Variants in KCNH5 observed in about 807,000 individuals in gnomAD.
The protein encoded by KCNH5 is voltage-gated delayed rectifier potassium channel KCNH5.
A neutral mutation model predicts 96.1 loss-of-function variants in KCNH5; 46 were observed. The ratio of observed to expected loss-of-function variants is 0.48; its 90% CI spans 0.38 to 0.61. The LOEUF (loss-of-function observed/expected upper bound fraction) is 0.61. Ranked by LOEUF, KCNH5 falls within the 20% of genes least tolerant of loss-of-function variation. KCNH5 has a pLI of 0.00. For missense variants in KCNH5, 907 were observed against 1,225.8 expected (o/e 0.74, Z 3.88); for synonymous variants, 439 against 449.8 (o/e 0.98, Z 0.30).
chr14:63,018,791 T>C (rs1232741701), intron 1 of KCNH5, among the ~76,000 whole-genome samples: 3 of 152,056 alleles, frequency 2.0e-5, no homozygotes, highest in African/African-American at 7.2e-5. Context: ...ATCTCTACAA[T>C]GTATTGATAT....
intron 8 of KCNH5, among the ~76,000 whole-genome samples, chr14:62,818,751 A>G (rs907531481): frequency 3.9e-5 from 6 of 152,186 alleles, no homozygotes; most frequent in African/African-American, 1.4e-4. Context: ...ACAGCCAAAA[A>G]TTAGAAGCAA....
intron 1 of KCNH5, among the ~76,000 whole-genome samples, chr14:63,038,342 T>C (rs1034653775): frequency 6.6e-6 from 1 of 152,174 alleles, no homozygotes; most frequent in African/African-American, 2.4e-5. Context: ...GGGAGCTTAG[T>C]TCATATACCA....
intron 9 of KCNH5, among the ~76,000 whole-genome samples, chr14:62,797,806 C>G (rs533425209): frequency 6.6e-6 from 1 of 151,856 alleles, no homozygotes. Flanking sequence ...ACCTCAGCCT[C>G]CTGGGTTCAA....
chr14:62,981,944 G>T (rs1445974827), intron 5 of KCNH5, among the ~76,000 whole-genome samples: 1 of 152,138 alleles, frequency 6.6e-6, no homozygotes, highest in African/African-American at 2.4e-5. Context: ...TGAACCTTGA[G>T]TTACACTAAT....
intron 8 of KCNH5, among the ~76,000 whole-genome samples, chr14:62,817,827 T>TCTAGGAATATATTATATATATC (rs1566670482): frequency 6.9e-6 from 1 of 144,246 alleles, no homozygotes; most frequent in Non-Finnish European, 1.5e-5. Context: ...TTATATATAT[T>TCTAGGAATATATTATATATATC]ATATATATAT....
rs190042113 is a variant in KCNH5, at chr14:63,018,151, A to G, written c.74-1197T>C. Among the ~76,000 whole-genome samples, 62 of 152,076 alleles carry G rather than the reference A, an allele frequency of 4.1e-4. 3 individuals are homozygous for G. The East Asian group carries it at 9.5e-3, about 23-fold the overall frequency. On this transcript the variant is annotated intron_variant, in intron 1 of 10. Coordinates refer to ENST00000322893, the MANE Select transcript of KCNH5 (RefSeq NM_139318.5). ...CAACGGAAAGTAGGCACAAACTGGA[A>G]AAGATAAACCCTTGAAAAAGAGAGG...
chr14:62,912,577 T>C (rs1889191061), intron 7 of KCNH5, among the ~76,000 whole-genome samples: 3 of 152,096 alleles, frequency 2.0e-5, no homozygotes, highest in African/African-American at 7.2e-5. Context: ...CAGCTATTTT[T>C]TGTATTTTTA....
intron 1 of KCNH5, among the ~76,000 whole-genome samples, chr14:63,027,083 C>T (rs529078107): frequency 3.9e-4 from 59 of 151,832 alleles, no homozygotes; most frequent in Admixed American, 7.9e-4. Flanking sequence ...TTATTTTAAG[C>T]GAAATAAGTC....
intron 7 of KCNH5, among the ~76,000 whole-genome samples, chr14:62,948,778 G>A (rs1346716871): frequency 6.8e-6 from 1 of 147,940 alleles, no homozygotes; most frequent in African/African-American, 2.5e-5. Context: ...CTGGCAAACC[G>A]AATCCAGCAG....
intron 7 of KCNH5, among the ~76,000 whole-genome samples, chr14:62,949,617 T>C (rs1889960529): frequency 6.6e-6 from 1 of 152,156 alleles, no homozygotes; most frequent in Non-Finnish European, 1.5e-5. Flanking sequence ...ATCCTTTCAT[T>C]CTCTCAAACA....
intron 8 of KCNH5, among the ~76,000 whole-genome samples, chr14:62,826,382 TTGTGTGTGTGTGTGTGCGTGCGTGCA>T (rs1887223752): frequency 7.1e-6 from 1 of 141,654 alleles, no homozygotes; most frequent in South Asian, 2.3e-4. Flanking sequence ...TGTTGAGATT[TTGTGTGTGTGTGTGTGCGTGCGTGCA>T]TGTGTGTGTG....
At chr14:62,766,541 T>C (rs141875207) in intron 10 of KCNH5, among the ~76,000 whole-genome samples, 72 of 152,246 alleles carry the variant, frequency 4.7e-4, no homozygotes, top group African/African-American at 1.7e-3. Context: ...ATGGTTGGAA[T>C]TGGAGATCAT....
intron 3 of KCNH5, among the ~76,000 whole-genome samples, chr14:63,004,547 A>G (rs1891090397): frequency 6.6e-6 from 1 of 152,216 alleles, no homozygotes; most frequent in Non-Finnish European, 1.5e-5. Context: ...GGAAATGTAA[A>G]ATTCAAGTAA....
chr14:63,029,965 C>A (rs953549106), intron 1 of KCNH5, among the ~76,000 whole-genome samples: 1 of 152,082 alleles, frequency 6.6e-6, no homozygotes, highest in Admixed American at 6.6e-5. Context: ...AATCTGATTA[C>A]AGAGGAATAA....
intron 8 of KCNH5, among the ~76,000 whole-genome samples, chr14:62,844,892 T>G (rs1173587782): frequency 6.6e-6 from 1 of 152,208 alleles, no homozygotes; most frequent in Admixed American, 6.5e-5. Flanking sequence ...ACTAAATATG[T>G]GGAAATGATA....
intron 6 of KCNH5, among the ~76,000 whole-genome samples, chr14:62,970,751 T>C (rs1162985085): frequency 2.0e-5 from 3 of 152,132 alleles, no homozygotes; most frequent in African/African-American, 4.8e-5. Flanking sequence ...GAAAATGGCA[T>C]GATCATATCA....
chr14:62,783,292 G>A (rs979031836), intron 9 of KCNH5, among the ~76,000 whole-genome samples: 2 of 152,040 alleles, frequency 1.3e-5, no homozygotes, highest in African/African-American at 4.8e-5. Context: ...TTTTTATTTT[G>A]TCTTATAATT....
chr14:62,929,295 C>A (rs929571811), intron 7 of KCNH5, among the ~76,000 whole-genome samples: 5 of 152,074 alleles, frequency 3.3e-5, no homozygotes, highest in Non-Finnish European at 5.9e-5. Context: ...TCCATTGTTA[C>A]TATCTTGGCC....
At chr14:62,990,408 T>G (rs1422737479) in intron 4 of KCNH5, among the ~76,000 whole-genome samples, 1 of 152,096 alleles carries the variant, frequency 6.6e-6, no homozygotes, top group East Asian at 1.9e-4. Flanking sequence ...AATTTACACA[T>G]GAAGTCAGTG....
Sources: allele counts gnomAD v4.1 joint callset (sites outside exome capture counted in the v4.1 genomes callset), GRCh38; gene constraint gnomAD v4.1.1; transcripts MANE v1.5; gene names NCBI Gene and HGNC (gene_info 2026-07-23, HGNC 2026-07-21).